The following PARP8 variants were observed in gnomAD, a reference collection of about 807,000 sequenced individuals.
PARP8 encodes the protein protein mono-ADP-ribosyltransferase PARP8.
Under a neutral mutation model 124.1 loss-of-function variants are expected in PARP8, and 51 were observed. The ratio of observed to expected loss-of-function variants is 0.41; its 90% confidence interval spans 0.33 to 0.52. The LOEUF is 0.52. Among genes scored for constraint, PARP8 ranks in the 20% least tolerant of loss-of-function variants. The pLI is 0.21. For missense variants in PARP8, 860 were observed against 1,018.9 expected (o/e 0.84, Z 2.12); for synonymous variants, 391 against 361.5 (o/e 1.08, Z -0.93).
chr5:50,778,761 G>A, intron 9 of PARP8, 111 bp downstream of exon 9: 1 of 526,812 alleles, frequency 1.9e-6, no homozygotes, highest in Non-Finnish European at 3.2e-6. Flanking sequence ...TAAATATCTT[G>A]ATAATGGTAT....
intron 2 of PARP8, among the ~76,000 whole-genome samples, chr5:50,727,647 G>A (rs1244450891): frequency 1.3e-5 from 2 of 152,110 alleles, no homozygotes; most frequent in African/African-American, 2.4e-5. Flanking sequence ...CCACTAAAGG[G>A]AAGTTTGGAT....
At chr5:50,757,843 G>A (rs1320175985) in intron 3 of PARP8, among the ~76,000 whole-genome samples, 3 of 152,046 alleles carry the variant, frequency 2.0e-5, no homozygotes. Flanking sequence ...CTATGATACT[G>A]TAAAATTGCA....
At chr5:50,816,458 T>C (rs1451748483) in intron 15 of PARP8, among the ~76,000 whole-genome samples, 1 of 152,188 alleles carries the variant, frequency 6.6e-6, no homozygotes, top group Admixed American at 6.5e-5. Context: ...ATCAGGCTTA[T>C]GAAGGCACAA....
At position 50,788,584 on chromosome 5, in the gene PARP8, G is replaced by A. The variant is rs773801159; in HGVS notation, c.732G>A (p.Leu244=). ...TKERFGLGHQ[L]KKIMQTFVTQ... ...AGCGATTTGGATTGGGACATCAGCT[G>A]AAAAAGTAAGTTTGCTAAAGTGCAA... The change falls in exon 10 of 26, where the codon CTG becomes CTA. Residue 244 remains leucine (L), a synonymous_variant. Coordinates refer to ENST00000281631, the MANE Select transcript of PARP8 (RefSeq NM_024615.4). 6.2e-7 allele frequency: 1 copy of A among 1,611,428 alleles called. No individual in the cohort carries two copies. The highest frequency in any genetic ancestry group is 1.1e-5 in the South Asian group (1 of 90,868).
At chr5:50,793,375 C>G (rs920037204) in intron 10 of PARP8, among the ~76,000 whole-genome samples, 17 of 152,108 alleles carry the variant, frequency 1.1e-4, no homozygotes, top group Non-Finnish European at 2.1e-4. Context: ...AGGGCCACTG[C>G]CATGTGGAAA....
At chr5:50,686,123 C>T (rs757771690) in intron 2 of PARP8, among the ~76,000 whole-genome samples, 3 of 152,320 alleles carry the variant, frequency 2.0e-5, no homozygotes, top group Non-Finnish European at 4.4e-5. Flanking sequence ...AAAGTCCCTT[C>T]CACCTGTGAG....
chr5:50,803,951 A>G (rs1190614250), intron 14 of PARP8, among the ~76,000 whole-genome samples: 1 of 152,130 alleles, frequency 6.6e-6, no homozygotes, highest in Non-Finnish European at 1.5e-5. Context: ...CTGTTTTGGC[A>G]GTCCTTAGCC....
chr5:50,758,073 A>T (rs1454952118), intron 3 of PARP8, among the ~76,000 whole-genome samples: 3 of 152,114 alleles, frequency 2.0e-5, no homozygotes, highest in Admixed American at 6.5e-5. Flanking sequence ...AAGACATAAT[A>T]AAAAAACATT....
At chr5:50,721,256 G>A (rs1755849617) in intron 2 of PARP8, among the ~76,000 whole-genome samples, 1 of 151,928 alleles carries the variant, frequency 6.6e-6, no homozygotes, top group Non-Finnish European at 1.5e-5. Flanking sequence ...GCTGCAGCTG[G>A]GAGTGCTTCC....
chr5:50,758,743 C>T (rs1420307880), intron 3 of PARP8, among the ~76,000 whole-genome samples: 1 of 152,088 alleles, frequency 6.6e-6, no homozygotes, highest in Non-Finnish European at 1.5e-5. Context: ...GAGAGATGCC[C>T]TGCAATCATC....
intron 9 of PARP8, among the ~76,000 whole-genome samples, chr5:50,781,997 A>T (rs986262419): frequency 6.6e-5 from 10 of 152,094 alleles, no homozygotes; most frequent in African/African-American, 2.4e-4. Flanking sequence ...TCTGCTTCTG[A>T]GAGAACTTGA....
rs1420908506 is a variant in PARP8 at position 50,788,464 on chromosome 5, C to A, written c.671-59C>A. 2.7e-6 allele frequency: 4 copies of A among 1,486,588 alleles called. No homozygotes were observed. The Admixed American group carries it at 5.1e-5, about 19-fold the overall frequency. 92.1% of individuals were successfully genotyped at this position (1,486,588 alleles called of 1,614,324 possible). ...TAATGCGATTTCAACCTTTTTCTGG[C>A]TGATGGTTGAGTTTCAGTTTCAAGT... is the stretch of plus-strand genomic sequence containing the variant. On this transcript the variant is annotated intron_variant, in intron 9 of 25. Coordinates refer to ENST00000281631, the MANE Select transcript of PARP8 (RefSeq NM_024615.4).
intron 3 of PARP8, among the ~76,000 whole-genome samples, chr5:50,755,059 C>G (rs1486109141): frequency 6.6e-6 from 1 of 152,010 alleles, no homozygotes; most frequent in African/African-American, 2.4e-5. Flanking sequence ...TGTTGGAGTT[C>G]TTTGTAGATT....
chr5:50,773,409 C>A (rs1456175255), intron 7 of PARP8, among the ~76,000 whole-genome samples: 3 of 152,192 alleles, frequency 2.0e-5, no homozygotes, highest in Non-Finnish European at 4.4e-5. Context: ...GTTTTCCCAG[C>A]ACCATTTATT....
intron 2 of PARP8, among the ~76,000 whole-genome samples, chr5:50,718,432 T>C (rs1449157725): frequency 6.6e-6 from 1 of 151,924 alleles, no homozygotes; most frequent in African/African-American, 2.4e-5. Flanking sequence ...TACACATATG[T>C]GTGTGTATGT....
intron 7 of PARP8, among the ~76,000 whole-genome samples, chr5:50,777,324 G>A (rs1170150390): frequency 1.3e-5 from 2 of 152,108 alleles, no homozygotes; most frequent in African/African-American, 4.8e-5. Flanking sequence ...TATCATTTCA[G>A]TTATTTCTGT....
intron 12 of PARP8, among the ~76,000 whole-genome samples, chr5:50,796,418 T>TA (rs1404398272): frequency 6.6e-6 from 1 of 152,168 alleles, no homozygotes; most frequent in East Asian, 1.9e-4. Flanking sequence ...TACTCAAACA[T>TA]ACGTTTTAAG....
At chr5:50,783,355 G>A (rs1740883532) in intron 9 of PARP8, among the ~76,000 whole-genome samples, 1 of 152,174 alleles carries the variant, frequency 6.6e-6, no homozygotes, top group Non-Finnish European at 1.5e-5. Flanking sequence ...CAGCCTAAAG[G>A]TGGAAGAATG....
chr5:50,669,099 A>G (rs1215867965), intron 2 of PARP8: 2 of 152,358 alleles, frequency 1.3e-5, no homozygotes, highest in East Asian at 3.9e-4. Context: ...TCTGTATTAC[A>G]TTATACATCT....
Sources: allele counts gnomAD v4.1 joint callset (sites outside exome capture counted in the v4.1 genomes callset), GRCh38; gene constraint gnomAD v4.1.1; transcripts MANE v1.5; gene names NCBI Gene and HGNC (gene_info 2026-07-23, HGNC 2026-07-21).